CAMK4: variants seen among roughly 807,000 people sequenced by gnomAD.
CAMK4 encodes calcium/calmodulin-dependent protein kinase type IV.
In CAMK4, 22 loss-of-function variants were observed where a neutral mutation model predicts 44.9. That is an observed-to-expected ratio of 0.49 (90% CI 0.35 to 0.70). The LOEUF is 0.70. Among genes scored for constraint, CAMK4 ranks in the 30% least tolerant of loss-of-function variants. The pLI is 0.01. For synonymous variants in CAMK4, 218 were observed against 215.4 expected, an observed-to-expected ratio of 1.01 and a Z score of -0.11; for missense variants, 498 against 586.8, an observed-to-expected ratio of 0.85 and a Z score of 1.56.
chr5:111,333,483 G>A (rs1458186339), intron 1 of CAMK4, among the ~76,000 whole-genome samples: 1 of 151,652 alleles, frequency 6.6e-6, no homozygotes, highest in African/African-American at 2.4e-5. Context: ...TGTATTTTGT[G>A]ATTGAGAACC....
chr5:111,327,456 CTACAATAA>C (rs1469827147), intron 1 of CAMK4, among the ~76,000 whole-genome samples: 1 of 149,472 alleles, frequency 6.7e-6, no homozygotes, highest in Non-Finnish European at 1.5e-5. Context: ...GTGAATAGTG[CTACAATAA>C]ACATATGTGT....
At position 111,440,222 on chromosome 5, in the gene CAMK4, C is replaced by G. The variant is rs150951070; in HGVS notation, c.460-6464C>G. Among the ~76,000 whole-genome samples the G allele has an allele frequency of 1.1e-3, 170 of 152,186 alleles. 2 individuals carry two copies. The highest frequency in any genetic ancestry group is 3.9e-3 in the African/African-American group (162 of 41,510). The stretch of plus-strand genomic sequence containing the variant: ...TAAAGAGAAGGCAGGAGACATGGAC[C>G]TTGACTCAGGAGTCAGGAGGGCATG... On this transcript the variant is annotated intron_variant, in intron 5 of 10. Coordinates refer to ENST00000282356, the MANE Select transcript of CAMK4 (RefSeq NM_001744.6).
At chr5:111,379,801 G>C in intron 4 of CAMK4, among the ~76,000 whole-genome samples, 1 of 152,102 alleles carries the variant, frequency 6.6e-6, no homozygotes, top group South Asian at 2.1e-4. Context: ...ACTCAAAAAG[G>C]TTGTATTTAA....
intron 1 of CAMK4, among the ~76,000 whole-genome samples, chr5:111,336,946 T>A (rs942971573): frequency 5.3e-5 from 8 of 151,036 alleles, no homozygotes; most frequent in Non-Finnish European, 1.2e-4. Context: ...TTTTGGAAAT[T>A]TTTTTTTACT....
intron 7 of CAMK4, among the ~76,000 whole-genome samples, chr5:111,461,326 C>G (rs903911198): frequency 2.0e-5 from 3 of 152,138 alleles, no homozygotes; most frequent in Non-Finnish European, 4.4e-5. Context: ...AGAGGCAACC[C>G]CCTCTGGAAG....
intron 2 of CAMK4, among the ~76,000 whole-genome samples, chr5:111,361,922 T>C (rs1049845506): frequency 4.6e-5 from 7 of 152,200 alleles, no homozygotes; most frequent in African/African-American, 9.6e-5. Flanking sequence ...GTAGATACTT[T>C]CTCTGACTGG....
chr5:111,424,738 C>T (rs147709768), intron 5 of CAMK4, among the ~76,000 whole-genome samples: 34 of 152,100 alleles, frequency 2.2e-4, no homozygotes, highest in Middle Eastern at 3.4e-3. Flanking sequence ...TGAGCCACCG[C>T]GTCCAGCCAC....
At chr5:111,374,712 G>A (rs1402883709) in intron 2 of CAMK4, 138 bp from the exon 3 acceptor site, 1 of 623,744 alleles carries the variant, frequency 1.6e-6, no homozygotes, top group Non-Finnish European at 2.9e-6. Context: ...AGAAAGAGAG[G>A]AAGGAGACAC....
At chr5:111,324,349 A>G (rs1469213472) in intron 1 of CAMK4, among the ~76,000 whole-genome samples, 1 of 152,068 alleles carries the variant, frequency 6.6e-6, no homozygotes, top group Non-Finnish European at 1.5e-5. Context: ...ATAAAAGGAT[A>G]TAAAAAGAAA....
rs34201915 is a variant in CAMK4, at chr5:111,467,373, C to CA, written c.626-5914dup. 4.7e-3 allele frequency among the ~76,000 whole-genome samples: 230 copies of CA among 49,458 alleles called. 2 individuals carry two copies. Among genetic ancestry groups the CA allele is most frequent in the East Asian group, 0.032 (49 of 1,516 alleles). 32.4% of individuals were successfully genotyped at this position (49,458 alleles called of 152,430 possible). ...ATTAAACTAAAAAGCTTCTGCATAGCAAAAAAAAAAAAAAAAAAAAAAAAG... is the reference window on the plus strand; with the variant it reads ...ATTAAACTAAAAAGCTTCTGCATAGCAAAAAAAAAAAAAAAAAAAAAAAAAG... On this transcript the variant is annotated intron_variant, in intron 7 of 10. Coordinates refer to ENST00000282356, the MANE Select transcript of CAMK4 (RefSeq NM_001744.6).
At chr5:111,313,699 A>G (rs1334501228) in intron 1 of CAMK4, among the ~76,000 whole-genome samples, 1 of 151,014 alleles carries the variant, frequency 6.6e-6, no homozygotes, top group Non-Finnish European at 1.5e-5. Flanking sequence ...AGAACTCAAT[A>G]TAAATTGGTT....
intron 5 of CAMK4, among the ~76,000 whole-genome samples, chr5:111,442,224 T>TGGCTCATTATA (rs1753848905): frequency 1.3e-5 from 2 of 152,318 alleles, no homozygotes; most frequent in South Asian, 4.1e-4. Flanking sequence ...TCAGGTGCTG[T>TGGCTCATTATA]GGCTCATGCC....
At chr5:111,456,467 GGC>G (rs1754420721) in intron 7 of CAMK4, among the ~76,000 whole-genome samples, 1 of 150,436 alleles carries the variant, frequency 6.6e-6, no homozygotes, top group South Asian at 2.1e-4. Context: ...CTCCAGCCTC[GGC>G]GACAGAGCGA....
chr5:111,319,903 G>C (rs147675349), intron 1 of CAMK4, among the ~76,000 whole-genome samples: 1 of 152,244 alleles, frequency 6.6e-6, no homozygotes, highest in African/African-American at 2.4e-5. Context: ...ATCAACTTAT[G>C]AGATGGCTGT....
At chr5:111,281,740 A>G (rs1392035209) in intron 1 of CAMK4, among the ~76,000 whole-genome samples, 1 of 152,238 alleles carries the variant, frequency 6.6e-6, no homozygotes, top group Non-Finnish European at 1.5e-5. Context: ...CGTCTCATGG[A>G]AAATTATCTA....
At chr5:111,440,116 T>G (rs1753774707) in intron 5 of CAMK4, among the ~76,000 whole-genome samples, 1 of 152,154 alleles carries the variant, frequency 6.6e-6, no homozygotes, top group Non-Finnish European at 1.5e-5. Flanking sequence ...TTTTTCTTAT[T>G]TCTCTTTGAG....
At chr5:111,464,236 G>A (rs189090468) in intron 7 of CAMK4, among the ~76,000 whole-genome samples, 1,747 of 130,414 alleles carry the variant, frequency 0.013, 31 homozygotes, top group African/African-American at 0.04. Flanking sequence ...AGAAGAAAGA[G>A]CTTCAGAGCT....
At position 111,476,428 on chromosome 5, in the gene CAMK4, C is replaced by T. The variant is rs186169911; in HGVS notation, c.702-1953C>T. Reference sequence around the variant, plus strand: ...GAGTACCTGGGATTACAAGCACGTGCCACCATGCCCAGCTAATTTTTTGTA... The same window carrying T: ...GAGTACCTGGGATTACAAGCACGTGTCACCATGCCCAGCTAATTTTTTGTA... On this transcript the variant is annotated intron_variant, in intron 8 of 10. Transcript: ENST00000282356. Among the ~76,000 whole-genome samples, 3 of 152,076 alleles carry T rather than the reference C, an allele frequency of 2.0e-5. No homozygotes were observed. The East Asian group carries it at 5.8e-4, about 29-fold the overall frequency.
chr5:111,251,136 T>C (rs1162035623), intron 1 of CAMK4, among the ~76,000 whole-genome samples: 1 of 152,222 alleles, frequency 6.6e-6, no homozygotes, highest in East Asian at 1.9e-4. Context: ...TTTTGTGTTA[T>C]CCACTCCTGT....
Sources: gnomAD v4.1 joint callset for allele counts (sites outside exome capture counted in the v4.1 genomes callset) on GRCh38, gnomAD v4.1.1 for gene constraint, MANE v1.5 for transcripts, NCBI Gene and HGNC (gene_info 2026-07-23, HGNC 2026-07-21) for gene names.